Variants in PRKCQ observed in about 807,000 individuals in gnomAD.
PRKCQ encodes protein kinase C theta, also known as protein kinase C theta type.
In PRKCQ, 41 loss-of-function variants were observed where a neutral mutation model predicts 91.2. The ratio of observed to expected loss-of-function variants is 0.45; its 90% CI spans 0.35 to 0.58. PRKCQ has a LOEUF of 0.58. Ranked by LOEUF, PRKCQ falls within the 20% of genes least tolerant of loss-of-function variation. The pLI, the probability that PRKCQ is intolerant of heterozygous loss-of-function variation, is 0.00. For missense variants in PRKCQ, 673 were observed against 896.5 expected (o/e 0.75, Z 3.18); for synonymous variants, 307 against 316.9 (o/e 0.97, Z 0.33).
intron 15 of PRKCQ, among the ~76,000 whole-genome samples, chr10:6,453,256 G>A (rs373513781): frequency 0.014 from 2,079 of 151,972 alleles, 37 homozygotes; most frequent in African/African-American, 0.046. Flanking sequence ...AAAAGTGGGC[G>A]AAGGATATGA....
chr10:6,432,735 G>A (rs1327239309), intron 16 of PRKCQ, among the ~76,000 whole-genome samples: 1 of 152,106 alleles, frequency 6.6e-6, no homozygotes, highest in Non-Finnish European at 1.5e-5. Context: ...GGCATTCAAG[G>A]CTCTCTGGAG....
At chr10:6,456,432 G>C (rs1352573060) in intron 15 of PRKCQ, among the ~76,000 whole-genome samples, 2 of 152,134 alleles carry the variant, frequency 1.3e-5, no homozygotes, top group Non-Finnish European at 2.9e-5. Flanking sequence ...ATGTTTTAAG[G>C]CTGGGGGAAA....
chr10:6,561,891 G>A (rs1840647820), intron 1 of PRKCQ, among the ~76,000 whole-genome samples: 1 of 152,158 alleles, frequency 6.6e-6, no homozygotes, highest in Non-Finnish European at 1.5e-5. Flanking sequence ...AAGAGTTGAG[G>A]AAAGCAGGAA....
At position 6,428,224 on chromosome 10, in the gene PRKCQ, C is replaced by G. The variant is rs1388250720; in HGVS notation, c.2104G>C (p.Glu702Gln). The change falls in exon 18 of 18, where the codon GAG becomes CAG. Residue 702 changes from glutamate to glutamine, a missense_variant. Transcript: ENST00000263125. ...GGCAAGATTCAGGATATCAGCCGCT[C>G]CATCCCGGGGTTCATGAAGGAAAAG... is the stretch of plus-strand genomic sequence containing the variant. ...RNFSFMNPGM[E>Q]RLIS The G allele has an allele frequency of 1.9e-6, 3 of 1,614,196 alleles. No homozygotes were observed. Among genetic ancestry groups the G allele is most frequent in the Non-Finnish European group, 2.5e-6 (3 of 1,180,040 alleles).
At chr10:6,424,510 G>A (rs1304418433), downstream of PRKCQ, among the ~76,000 whole-genome samples, 1 of 152,148 alleles carries the variant, frequency 6.6e-6, no homozygotes, top group Non-Finnish European at 1.5e-5. Context: ...AAAGGAGAGA[G>A]GTGGCAGGAG....
At chr10:6,468,585 C>T (rs563716536) in intron 12 of PRKCQ, among the ~76,000 whole-genome samples, 21 of 152,126 alleles carry the variant, frequency 1.4e-4, no homozygotes, top group Non-Finnish European at 2.5e-4. Context: ...GACTCCCTCT[C>T]CAGAAAAACA....
At chr10:6,553,570 T>C (rs548242848) in intron 1 of PRKCQ, among the ~76,000 whole-genome samples, 1 of 151,880 alleles carries the variant, frequency 6.6e-6, no homozygotes, top group Non-Finnish European at 1.5e-5. Flanking sequence ...CATCTTTTCT[T>C]CTATTGATGT....
chr10:6,498,400 C>A lies in PRKCQ; in HGVS notation c.538G>T (p.Val180Phe), dbSNP rs1837731153. 6.2e-7 allele frequency: 1 copy of A among 1,613,922 alleles called. No individual in the cohort carries two copies. Among genetic ancestry groups the A allele is most frequent in the Admixed American group, 1.7e-5 (1 of 60,002 alleles). The change falls in exon 5 of 18, where the codon GTC becomes TTC. Residue 180 changes from valine (V) to phenylalanine (F), a missense_variant. Coordinates refer to ENST00000263125, the MANE Select transcript of PRKCQ (RefSeq NM_006257.5). The stretch of plus-strand genomic sequence containing the variant: ...GGAGATGCCAAGTTACTGTACCAGA[C>A]AAACTCGTGGCAGACAGAGCAAAAT... The part of the protein sequence containing the change: ...PTFCSVCHEF[V>F]WGLNKQGYQC...
chr10:6,570,431 T>G (rs1348387358), intron 1 of PRKCQ, among the ~76,000 whole-genome samples: 1 of 151,194 alleles, frequency 6.6e-6, no homozygotes, highest in East Asian at 1.9e-4. Context: ...GGGCCAGAAA[T>G]GAGGGAGAGA....
chr10:6,556,247 T>C (rs1013265260), intron 1 of PRKCQ, among the ~76,000 whole-genome samples: 1 of 151,834 alleles, frequency 6.6e-6, no homozygotes, highest in African/African-American at 2.4e-5. Flanking sequence ...CTGGGCAACA[T>C]AGCAAAACTC....
intron 2 of PRKCQ, among the ~76,000 whole-genome samples, chr10:6,513,504 G>T (rs909300376): frequency 6.7e-6 from 1 of 149,238 alleles, no homozygotes; most frequent in Non-Finnish European, 1.5e-5. Flanking sequence ...ACCTGAGATG[G>T]TAAAGAGAAC....
chr10:6,518,010 C>CT (rs573273918), intron 1 of PRKCQ, among the ~76,000 whole-genome samples: 45 of 152,202 alleles, frequency 3.0e-4, no homozygotes, highest in African/African-American at 1.1e-3. Context: ...AAAGACAAAA[C>CT]TATATGAAGA....
At chr10:6,568,226 AAAAAC>A (rs1156452581) in intron 1 of PRKCQ, among the ~76,000 whole-genome samples, 20 of 152,274 alleles carry the variant, frequency 1.3e-4, no homozygotes, top group East Asian at 3.9e-4. Context: ...CAAAAAAGAA[AAAAAC>A]AAAACAAAAC....
chr10:6,579,733 C>T (rs964005822), intron 1 of PRKCQ, among the ~76,000 whole-genome samples: 1 of 151,118 alleles, frequency 6.6e-6, no homozygotes, highest in Non-Finnish European at 1.5e-5. Context: ...TGTTTAGAAG[C>T]CTGAGCAATG....
intron 15 of PRKCQ, among the ~76,000 whole-genome samples, chr10:6,453,908 C>G (rs1286408875): frequency 2.0e-5 from 3 of 150,816 alleles, no homozygotes; most frequent in African/African-American, 4.9e-5. Context: ...ACATCACACT[C>G]TGGGGACTGT....
In PRKCQ at chr10:6,515,163, C is replaced by T; in HGVS notation, c.-9-19G>A. ...TTGCGCCCTGGAAAAAGACAAAAGACAAACGCTGTTTGGGGGCTATAAAAG... is the reference window on the plus strand; with the variant it reads ...TTGCGCCCTGGAAAAAGACAAAAGATAAACGCTGTTTGGGGGCTATAAAAG... On this transcript the variant is annotated intron_variant, in intron 1 of 17. Coordinates refer to ENST00000263125, the MANE Select transcript of PRKCQ (RefSeq NM_006257.5). 1.2e-6 allele frequency: 2 copies of T among 1,611,792 alleles called. No individual in the cohort carries two copies. Among genetic ancestry groups the T allele is most frequent in the Non-Finnish European group, 1.7e-6 (2 of 1,179,536 alleles).
intron 1 of PRKCQ, among the ~76,000 whole-genome samples, chr10:6,538,717 T>TA (rs1254297923): frequency 6.6e-6 from 1 of 152,230 alleles, no homozygotes; most frequent in Non-Finnish European, 1.5e-5. Flanking sequence ...CTGATTTTCC[T>TA]AGTTCAGATT....
chr10:6,518,737 C>T (rs1297538137), intron 1 of PRKCQ, among the ~76,000 whole-genome samples: 1 of 152,048 alleles, frequency 6.6e-6, no homozygotes, highest in Non-Finnish European at 1.5e-5. Context: ...AGGGGAATCG[C>T]TTTGCTCCCT....
chr10:6,478,871 A>C, intron 12 of PRKCQ, 121 bp downstream of exon 12: 1 of 1,145,808 alleles, frequency 8.7e-7, no homozygotes, highest in Non-Finnish European at 1.2e-6. Flanking sequence ...GATGGCAGGT[A>C]CACCGAAATG....
Sources: allele counts gnomAD v4.1 joint callset (sites outside exome capture counted in the v4.1 genomes callset), GRCh38; gene constraint gnomAD v4.1.1; transcripts MANE v1.5; gene names NCBI Gene and HGNC (gene_info 2026-07-23, HGNC 2026-07-21).